The following CSGALNACT1 variants were observed in gnomAD, a reference collection of about 807,000 sequenced individuals.
CSGALNACT1 encodes the protein chondroitin sulfate N-acetylgalactosaminyltransferase 1, also known as beta4GalNAcT-1.
CSGALNACT1 carries 52 observed loss-of-function variants against 51.0 expected under a neutral mutation model. The ratio of observed to expected loss-of-function variants is 1.02; its 90% confidence interval spans 0.82 to 1.29. CSGALNACT1 has a LOEUF of 1.29. Among genes scored for constraint, CSGALNACT1 ranks in the 50% most tolerant of loss-of-function variants. The probability of loss-of-function intolerance (pLI) is 0.00; values close to 1 mark genes in which losing one functional copy is unlikely to be tolerated. For synonymous variants in CSGALNACT1, 341 were observed against 254.4 expected, an observed-to-expected ratio of 1.34 and a Z score of -3.24; for missense variants, 935 against 679.2, an observed-to-expected ratio of 1.38 and a Z score of -4.19.
intron 5 of CSGALNACT1, among the ~76,000 whole-genome samples, chr8:19,453,368 T>C (rs1439557562): frequency 6.6e-6 from 1 of 152,054 alleles, no homozygotes; most frequent in Non-Finnish European, 1.5e-5. Context: ...AGGTACAGAA[T>C]AGATATGTCA....
intron 3 of CSGALNACT1, among the ~76,000 whole-genome samples, chr8:19,513,707 G>A (rs566689995): frequency 2.2e-4 from 34 of 151,998 alleles, no homozygotes; most frequent in African/African-American, 7.7e-4. Context: ...GCACACCTGG[G>A]CCATATGGTA....
At chr8:19,590,442 G>T (rs1430420023) in intron 3 of CSGALNACT1, among the ~76,000 whole-genome samples, 1 of 152,102 alleles carries the variant, frequency 6.6e-6, no homozygotes, top group African/African-American at 2.4e-5. Flanking sequence ...GAATGCAATT[G>T]CTGCACAAAA....
chr8:19,509,352 G>A lies in CSGALNACT1; in HGVS notation c.-296-3222C>T, dbSNP rs920357381. The stretch of plus-strand genomic sequence containing the variant: ...AAGTGGGTGTTGGCCGGGCACGGTG[G>A]CTCACACCTGTAATCCCAGCACTTT... On this transcript the variant is annotated intron_variant, in intron 3 of 9. Coordinates refer to ENST00000454498, the Ensembl canonical transcript of CSGALNACT1. Among the ~76,000 whole-genome samples the A allele has an allele frequency of 3.9e-5, 6 of 152,024 alleles. No individual in the cohort carries two copies. The South Asian group carries it at 6.2e-4, about 16-fold the overall frequency.
At chr8:19,631,908 A>G (rs1236282823) in intron 1 of CSGALNACT1, among the ~76,000 whole-genome samples, 1 of 152,202 alleles carries the variant, frequency 6.6e-6, no homozygotes, top group Non-Finnish European at 1.5e-5. Flanking sequence ...TCCTTCTTCT[A>G]TAGCTTATCC....
At chr8:19,463,307 T>C (rs903795114) in intron 4 of CSGALNACT1, among the ~76,000 whole-genome samples, 1 of 152,212 alleles carries the variant, frequency 6.6e-6, no homozygotes, top group Non-Finnish European at 1.5e-5. Flanking sequence ...TTTAAAACTC[T>C]CTTGCAACCT....
intron 1 of CSGALNACT1, among the ~76,000 whole-genome samples, chr8:19,620,314 CAAAAAAAAAA>C (rs35145827): frequency 9.3e-5 from 6 of 64,758 alleles, no homozygotes; most frequent in Admixed American, 4.0e-4. Context: ...GACTCTGTCT[CAAAAAAAAAA>C]AAAAAAAAAA....
chr8:19,632,585 T>TACAGCGATCACTGC (rs2055426174), intron 1 of CSGALNACT1, among the ~76,000 whole-genome samples: 1 of 152,244 alleles, frequency 6.6e-6, no homozygotes, highest in Non-Finnish European at 1.5e-5. Flanking sequence ...AACCCGCAGC[T>TACAGCGATCACTGC]ATCTACAGCG....
chr8:19,679,982 C>A (rs1420830028), intron 1 of CSGALNACT1, among the ~76,000 whole-genome samples: 1 of 152,154 alleles, frequency 6.6e-6, no homozygotes, highest in Non-Finnish European at 1.5e-5. Flanking sequence ...ATGGACAAAG[C>A]ACCCTTCCAG....
At chr8:19,530,128 T>A (rs1007510998) in intron 3 of CSGALNACT1, among the ~76,000 whole-genome samples, 15 of 151,792 alleles carry the variant, frequency 9.9e-5, no homozygotes, top group African/African-American at 2.4e-5. Flanking sequence ...GGCTGAGGCA[T>A]GAAAATTGCA....
At chr8:19,502,931 A>G (rs1046795669) in intron 4 of CSGALNACT1, among the ~76,000 whole-genome samples, 4 of 149,994 alleles carry the variant, frequency 2.7e-5, no homozygotes, top group African/African-American at 9.7e-5. Flanking sequence ...TTGATGATAG[A>G]ATTCTTGTAG....
chr8:19,688,388 G>C (rs527592658), intron 1 of CSGALNACT1, among the ~76,000 whole-genome samples: 1 of 152,166 alleles, frequency 6.6e-6, no homozygotes, highest in African/African-American at 2.4e-5. Flanking sequence ...CAAAATGGTA[G>C]ACAAGTGGCC....
chr8:19,537,463 T>G (rs1230351000), intron 3 of CSGALNACT1, among the ~76,000 whole-genome samples: 4 of 152,178 alleles, frequency 2.6e-5, no homozygotes, highest in South Asian at 2.1e-4. Flanking sequence ...CTTTCTCCTT[T>G]CATAAATATT....
chr8:19,438,992 C>G (rs765699338), intron 6 of CSGALNACT1, among the ~76,000 whole-genome samples: 5 of 152,198 alleles, frequency 3.3e-5, no homozygotes, highest in Non-Finnish European at 7.3e-5. Flanking sequence ...CAGACTATGT[C>G]TGCCCCTGAG....
chr8:19,471,088 T>G (rs1307961516), intron 4 of CSGALNACT1, among the ~76,000 whole-genome samples: 1 of 151,204 alleles, frequency 6.6e-6, no homozygotes, highest in Non-Finnish European at 1.5e-5. Context: ...AGAGCAAGAC[T>G]CTGTCTCAAA....
At chr8:19,511,321 G>T (rs138497816) in intron 3 of CSGALNACT1, among the ~76,000 whole-genome samples, 2 of 152,184 alleles carry the variant, frequency 1.3e-5, no homozygotes, top group South Asian at 2.1e-4. Flanking sequence ...CCCTAATGCC[G>T]CAGTGCGAGT....
At chr8:19,642,196 TTTTG>T (rs989734270) in intron 1 of CSGALNACT1, among the ~76,000 whole-genome samples, 19 of 152,324 alleles carry the variant, frequency 1.2e-4, no homozygotes, top group African/African-American at 4.3e-4. Context: ...TTAGTTTTTA[TTTTG>T]TTTGTTTTTG....
At chr8:19,481,242 G>A (rs542200683) in intron 4 of CSGALNACT1, among the ~76,000 whole-genome samples, 3 of 151,850 alleles carry the variant, frequency 2.0e-5, no homozygotes, top group Non-Finnish European at 2.9e-5. Flanking sequence ...TGTGCCCATC[G>A]ACCTCTGTGC....
intron 1 of CSGALNACT1, among the ~76,000 whole-genome samples, chr8:19,729,751 T>G (rs1423321995): frequency 2.0e-5 from 3 of 152,144 alleles, no homozygotes; most frequent in Non-Finnish European, 4.4e-5. Context: ...CCCTCATTTA[T>G]CCTCTGCTTT....
At chr8:19,592,218 C>A (rs1043634653) in intron 2 of CSGALNACT1, among the ~76,000 whole-genome samples, 1 of 152,138 alleles carries the variant, frequency 6.6e-6, no homozygotes, top group Non-Finnish European at 1.5e-5. Flanking sequence ...GACATTAAGT[C>A]AATTTACAAA....
Sources: gnomAD v4.1 joint callset for allele counts (sites outside exome capture counted in the v4.1 genomes callset) on GRCh38, gnomAD v4.1.1 for gene constraint, MANE v1.5 for transcripts, NCBI Gene and HGNC (gene_info 2026-07-23, HGNC 2026-07-21) for gene names.